SCARA5: variants seen among roughly 807,000 people sequenced by gnomAD.
The protein encoded by SCARA5 is scavenger receptor class A, member 5 (putative).
A neutral mutation model predicts 46.3 loss-of-function variants in SCARA5; 45 were observed. That is an observed-to-expected ratio of 0.97 (90% confidence interval 0.76 to 1.24). The LOEUF (loss-of-function observed/expected upper bound fraction) is 1.24. SCARA5 is among the 50% of genes most tolerant of loss of function. SCARA5 has a pLI of 0.00. For missense variants in SCARA5, 680 were observed against 689.0 expected (o/e 0.99, Z 0.15); for synonymous variants, 333 against 306.5 (o/e 1.09, Z -0.90).
At chr8:27,912,779 G>T (rs1348737095) in intron 4 of SCARA5, among the ~76,000 whole-genome samples, 1 of 152,230 alleles carries the variant, frequency 6.6e-6, no homozygotes, top group African/African-American at 2.4e-5. Context: ...CTGCAGGGGG[G>T]TCTTCCCAGG....
intron 3 of SCARA5, among the ~76,000 whole-genome samples, chr8:27,937,619 G>A (rs1282673066): frequency 1.3e-4 from 20 of 152,108 alleles, no homozygotes; most frequent in Admixed American, 2.0e-4. Flanking sequence ...ATCCCAGGCC[G>A]CCATCACAAA....
chr8:27,916,074 T>C (rs963933728), intron 4 of SCARA5, among the ~76,000 whole-genome samples: 1 of 152,090 alleles, frequency 6.6e-6, no homozygotes, highest in Non-Finnish European at 1.5e-5. Flanking sequence ...TGATTAATGC[T>C]AAAAATCCAA....
intron 7 of SCARA5, among the ~76,000 whole-genome samples, chr8:27,891,455 C>T (rs984281862): frequency 1.3e-5 from 2 of 152,140 alleles, no homozygotes; most frequent in African/African-American, 2.4e-5. Flanking sequence ...CTGCCCGCTT[C>T]GGCCTCCCAA....
In SCARA5 at chr8:27,981,850, C is replaced by T. The variant is rs192295077; in HGVS notation, c.112+5654G>A. On this transcript the variant is annotated intron_variant, in intron 2 of 8. Transcript: ENST00000354914. ...CTGAACTGGGTTAATAGTCCCCTCT[C>T]CTGCACCAGAGCCTGATGCGGCAAC... 3.5e-4 allele frequency among the ~76,000 whole-genome samples: 53 copies of T among 152,322 alleles called. No homozygotes were observed. In the East Asian group the frequency reaches 9.3e-3, roughly 27 times the overall value.
At chr8:27,956,779 C>T (rs576267028) in intron 3 of SCARA5, among the ~76,000 whole-genome samples, 7 of 152,288 alleles carry the variant, frequency 4.6e-5, no homozygotes, top group East Asian at 1.9e-4. Flanking sequence ...GTGTCTCATT[C>T]GGTGCTAGGC....
intron 3 of SCARA5, among the ~76,000 whole-genome samples, chr8:27,963,654 A>G (rs1452435934): frequency 1.3e-5 from 2 of 152,218 alleles, no homozygotes; most frequent in African/African-American, 2.4e-5. Context: ...TGGATAATGC[A>G]TAAACGTGAG....
At chr8:27,872,537 C>T (rs1806656099) in intron 8 of SCARA5, among the ~76,000 whole-genome samples, 1 of 152,192 alleles carries the variant, frequency 6.6e-6, no homozygotes, top group Non-Finnish European at 1.5e-5. Flanking sequence ...CACGGGATTG[C>T]CATGCAGTGA....
At position 27,936,592 on chromosome 8, in the gene SCARA5, T is replaced by TA. The variant is rs71222526; in HGVS notation, c.242-14348dup. ...TGAGAGAGAAAGACTGTGTCTCCAT[T>TA]AAAAAAAAAAAAAAAAAAAGGTGGG... On this transcript the variant is annotated intron_variant, in intron 3 of 8. Coordinates refer to ENST00000354914, the MANE Select transcript of SCARA5 (RefSeq NM_173833.6). Among the ~76,000 whole-genome samples, 90 of 31,320 alleles carry TA rather than the reference T, an allele frequency of 2.9e-3. 6 individuals carry two copies. The highest frequency in any genetic ancestry group is 0.071 in the Middle Eastern group (1 of 14). 20.5% of individuals were successfully genotyped at this position (31,320 alleles called of 152,430 possible).
At position 27,931,000 on chromosome 8, in the gene SCARA5, G is replaced by C. The variant is rs1807763851; in HGVS notation, c.242-8755C>G. Among the ~76,000 whole-genome samples, 2 of 152,218 alleles carry C rather than the reference G, an allele frequency of 1.3e-5. 1 individual carries two copies. The highest frequency in any genetic ancestry group is 4.1e-4 in the South Asian group (2 of 4,828). On this transcript the variant is annotated intron_variant, in intron 3 of 8. Transcript: ENST00000354914. ...CAATACAAGTGCCGAGAAAAAGGGA[G>C]GGGCCTTCCTTCAGGTGGCAGGCAA...
At chr8:27,904,271 G>A (rs1002804023) in intron 7 of SCARA5, 1 of 162,154 alleles carries the variant, frequency 6.2e-6, no homozygotes, top group Non-Finnish European at 1.3e-5. Context: ...CCTTTAACAA[G>A]GTCAGTAGCT....
chr8:27,984,817 A>G (rs984142891), intron 2 of SCARA5, among the ~76,000 whole-genome samples: 9 of 151,904 alleles, frequency 5.9e-5, no homozygotes, highest in Admixed American at 2.6e-4. Context: ...CCATTCATCC[A>G]TCCTTTCATC....
At chr8:27,928,927 C>T (rs370605575) in intron 3 of SCARA5, among the ~76,000 whole-genome samples, 3 of 152,272 alleles carry the variant, frequency 2.0e-5, no homozygotes, top group South Asian at 4.2e-4. Flanking sequence ...GCTGGGATTA[C>T]AGGCGTGAGC....
intron 7 of SCARA5, among the ~76,000 whole-genome samples, chr8:27,899,548 A>C (rs1397146481): frequency 1.3e-5 from 2 of 152,214 alleles, no homozygotes. Flanking sequence ...TCTACCACGC[A>C]CGAGGCATTG....
chr8:27,975,345 A>G (rs7008822), intron 2 of SCARA5, among the ~76,000 whole-genome samples: 7,139 of 152,230 alleles, frequency 0.047, 581 homozygotes, highest in African/African-American at 0.16. Flanking sequence ...ATCCTTTTCA[A>G]TAAACCTGTA....
Position 27,921,717 on chromosome 8 carries a change from T to A in SCARA5, c.770A>T (p.Glu257Val), listed in dbSNP as rs773537303. Reference protein sequence around the residue: ...DLRVLVSNASEDTRRLRLAHV... With the variant: ...DLRVLVSNASVDTRRLRLAHV... ...CGCCAGGCGCAGGCGGCGCGTGTCC[T>A]CGCTGGCGTTGCTCACCAGCACCCG... Residue 257 changes from glutamate (E) to valine (V), a missense_variant, in exon 4 of 9, where the codon GAG becomes GTG. This residue lies in a region of SCARA5 where 438 missense variants were observed against 384.5 expected (regional missense o/e 1.14). Transcript: ENST00000354914. The A allele has an allele frequency of 6.3e-7, 1 of 1,595,662 alleles. No individual in the cohort carries two copies. The highest frequency in any genetic ancestry group is 8.5e-7 in the Non-Finnish European group (1 of 1,172,660).
intron 7 of SCARA5, among the ~76,000 whole-genome samples, chr8:27,896,826 G>A (rs1216105209): frequency 1.3e-5 from 2 of 152,208 alleles, no homozygotes; most frequent in African/African-American, 2.4e-5. Context: ...GGGCGCAGTG[G>A]CTCACGCCGG....
chr8:27,929,060 T>C (rs944496107), intron 3 of SCARA5, among the ~76,000 whole-genome samples: 2 of 152,192 alleles, frequency 1.3e-5, no homozygotes, highest in Non-Finnish European at 2.9e-5. Flanking sequence ...GCAGAAACCA[T>C]GTAGAGATTC....
chr8:27,876,547 A>G (rs1420152819), intron 8 of SCARA5, among the ~76,000 whole-genome samples: 1 of 152,050 alleles, frequency 6.6e-6, no homozygotes, highest in Non-Finnish European at 1.5e-5. Context: ...GGTGATGGCA[A>G]TGAGAGAGGC....
intron 3 of SCARA5, among the ~76,000 whole-genome samples, chr8:27,961,017 A>C (rs1808286100): frequency 6.6e-6 from 1 of 152,222 alleles, no homozygotes; most frequent in Admixed American, 6.5e-5. Flanking sequence ...TGATGTTCCC[A>C]AGGTTACAGA....
Sources: gnomAD v4.1 joint callset for allele counts (sites outside exome capture counted in the v4.1 genomes callset) on GRCh38, gnomAD v4.1.1 for gene constraint, gnomAD v4.1.1 regional missense constraint, MANE v1.5 for transcripts, NCBI Gene and HGNC (gene_info 2026-07-23, HGNC 2026-07-21) for gene names.